DENND5B: variants seen among roughly 807,000 people sequenced by gnomAD.
DENND5B encodes the protein DENN domain-containing protein 5B.
In DENND5B, 34 loss-of-function variants were observed where a neutral mutation model predicts 140.6. The observed-to-expected ratio is 0.24, with a 90% CI of 0.18 to 0.32. The LOEUF (loss-of-function observed/expected upper bound fraction) is 0.32, where lower values mean the gene tolerates loss of function less well. Among genes scored for constraint, DENND5B ranks in the 10% least tolerant of loss-of-function variants. The pLI, the probability that DENND5B is intolerant of heterozygous loss-of-function variation, is 1.00. For synonymous variants in DENND5B, 551 were observed against 562.1 expected, an observed-to-expected ratio of 0.98 and a Z score of 0.28; for missense variants, 1,142 against 1,560.2, an observed-to-expected ratio of 0.73 and a Z score of 4.52.
intron 1 of DENND5B, among the ~76,000 whole-genome samples, chr12:31,519,346 G>A (rs1231274424): frequency 6.6e-6 from 1 of 152,076 alleles, no homozygotes; most frequent in African/African-American, 2.4e-5. Flanking sequence ...ATGAACCTGA[G>A]GTACAAGAAA....
At chr12:31,462,184 A>G (rs978008400) in intron 3 of DENND5B, among the ~76,000 whole-genome samples, 6 of 152,162 alleles carry the variant, frequency 3.9e-5, no homozygotes, top group African/African-American at 1.4e-4. Context: ...GTGGATACAC[A>G]CATTTTACAG....
chr12:31,505,445 C>T (rs1947163397), intron 1 of DENND5B, among the ~76,000 whole-genome samples: 2 of 152,088 alleles, frequency 1.3e-5, no homozygotes, highest in Non-Finnish European at 2.9e-5. Flanking sequence ...TTATTTTGGC[C>T]AGGCTGGTCT....
Position 31,539,550 on chromosome 12 carries a change from C to G in DENND5B, c.128-43631G>C, listed in dbSNP as rs139124938. Reference sequence around the variant, plus strand: ...CATCATGACTAAATAGGATTTATCCCAGGGATGCAAGGATAGTTCAACATA... The same window carrying G: ...CATCATGACTAAATAGGATTTATCCGAGGGATGCAAGGATAGTTCAACATA... On this transcript the variant is annotated intron_variant, in intron 1 of 20. Transcript: ENST00000389082. Among the ~76,000 whole-genome samples the G allele has an allele frequency of 7.8e-3, 1,193 of 152,160 alleles. 10 individuals are homozygous for G. The highest frequency in any genetic ancestry group is 0.013 in the Non-Finnish European group (859 of 68,010).
At chr12:31,589,741 TAAC>T (rs542208897) in intron 1 of DENND5B, among the ~76,000 whole-genome samples, 175 of 152,134 alleles carry the variant, frequency 1.2e-3, no homozygotes, top group African/African-American at 3.9e-3. Flanking sequence ...CTCACCCATT[TAAC>T]AACAACAACA....
intron 2 of DENND5B, among the ~76,000 whole-genome samples, chr12:31,486,846 A>G (rs1473092856): frequency 6.6e-6 from 1 of 152,242 alleles, no homozygotes; most frequent in Non-Finnish European, 1.5e-5. Context: ...ACTCCTCTAA[A>G]AAGTATTTAT....
At chr12:31,472,585 C>T (rs1002526764) in intron 3 of DENND5B, among the ~76,000 whole-genome samples, 1 of 152,064 alleles carries the variant, frequency 6.6e-6, no homozygotes. Flanking sequence ...AGCCACGGCA[C>T]CCAGCCTGAA....
intron 1 of DENND5B, among the ~76,000 whole-genome samples, chr12:31,574,851 T>C (rs1775765909): frequency 6.6e-6 from 1 of 152,146 alleles, no homozygotes. Context: ...TTAATTAAAA[T>C]CAGATTGTAG....
At chr12:31,413,127 G>A (rs1942552189) in intron 13 of DENND5B, among the ~76,000 whole-genome samples, 1 of 152,152 alleles carries the variant, frequency 6.6e-6, no homozygotes, top group African/African-American at 2.4e-5. Context: ...ATGTTACCCA[G>A]GCTGGTCTTG....
In DENND5B at chr12:31,384,184, TA is replaced by T. The variant is rs1940751247; in HGVS notation, c.*3418del. On this transcript the variant is annotated 3_prime_UTR_variant, in exon 21 of 21. Transcript: ENST00000389082. The stretch of plus-strand genomic sequence containing the variant: ...AGACACTTATGAGCCACATAAAAAC[TA>T]AGTCCTTTGTTTTGTTTTTTTGAGA... 6.6e-6 allele frequency: 1 copy of T among 152,118 alleles called. No homozygotes were observed. Among genetic ancestry groups the T allele is most frequent in the Non-Finnish European group, 1.5e-5 (1 of 68,028 alleles). The allele number at this position is 152,118 out of a possible 1,614,324, so 9.4% of individuals were successfully genotyped here.
chr12:31,470,374 A>C (rs1945500276), intron 3 of DENND5B, among the ~76,000 whole-genome samples: 3 of 151,886 alleles, frequency 2.0e-5, no homozygotes, highest in African/African-American at 7.3e-5. Context: ...TCGGCCTCCC[A>C]AAGTGCTGGG....
chr12:31,408,624 CAAAAAAAAAAAAAAA>C (rs33965275), intron 14 of DENND5B, among the ~76,000 whole-genome samples: 2 of 71,960 alleles, frequency 2.8e-5, no homozygotes, highest in East Asian at 4.7e-4. Context: ...GAGACTCTAT[CAAAAAAAAAAAAAAA>C]AAAAAAAAAA....
At chr12:31,426,754 A>C (rs974174253) in intron 8 of DENND5B, 1 of 231,266 alleles carries the variant, frequency 4.3e-6, no homozygotes, top group Non-Finnish European at 8.6e-6. Flanking sequence ...GGACAAAAAA[A>C]TTTAGGTGTT....
intron 7 of DENND5B, among the ~76,000 whole-genome samples, chr12:31,436,510 G>A (rs942875286): frequency 1.3e-5 from 2 of 151,876 alleles, no homozygotes; most frequent in Admixed American, 6.6e-5. Flanking sequence ...ACTGCTGATC[G>A]CTCTTTCTAC....
chr12:31,513,636 C>T lies in DENND5B; in HGVS notation c.128-17717G>A, dbSNP rs183343441. ...GCTCCTATGCCCATTTGATGCACCC[C>T]CATCTATGTGTTGTGTGGCTTCTTT... On this transcript the variant is annotated intron_variant, in intron 1 of 20. Transcript: ENST00000389082. Among the ~76,000 whole-genome samples, 13 of 152,210 alleles carry T rather than the reference C, an allele frequency of 8.5e-5. No individual in the cohort carries two copies. The East Asian group carries it at 2.5e-3, about 29-fold the overall frequency.
chr12:31,534,881 T>A, intron 1 of DENND5B: 1 of 412,990 alleles, frequency 2.4e-6, no homozygotes. Context: ...GCTGTCTCCT[T>A]TCCCAGCAGC....
intron 17 of DENND5B, among the ~76,000 whole-genome samples, chr12:31,394,177 G>GA (rs1249375480): frequency 1.3e-5 from 2 of 151,696 alleles, no homozygotes; most frequent in Non-Finnish European, 2.9e-5. Context: ...TAGACATGAA[G>GA]TCTATTTTGA....
intron 6 of DENND5B, among the ~76,000 whole-genome samples, chr12:31,446,300 C>A (rs1048771998): frequency 9.9e-5 from 15 of 152,054 alleles, no homozygotes; most frequent in African/African-American, 3.4e-4. Flanking sequence ...AGGCGCATGA[C>A]ACCACACCTG....
At chr12:31,483,865 C>CTTTTTT (rs200066618) in intron 2 of DENND5B, among the ~76,000 whole-genome samples, 5 of 129,414 alleles carry the variant, frequency 3.9e-5, no homozygotes, top group African/African-American at 5.6e-5. Flanking sequence ...CTTTTCTTTT[C>CTTTTTT]TTTTTTTTTT....
intron 13 of DENND5B, among the ~76,000 whole-genome samples, chr12:31,412,015 C>T (rs1386859079): frequency 6.6e-6 from 1 of 151,910 alleles, no homozygotes; most frequent in African/African-American, 2.4e-5. Context: ...GCTCTGTTGC[C>T]CAAGCTGGAG....
Sources: gnomAD v4.1 joint callset for allele counts (sites outside exome capture counted in the v4.1 genomes callset) on GRCh38, gnomAD v4.1.1 for gene constraint, MANE v1.5 for transcripts, NCBI Gene and HGNC (gene_info 2026-07-23, HGNC 2026-07-21) for gene names.